Variants in RAPGEF1 observed in about 807,000 individuals in gnomAD.
The protein encoded by RAPGEF1 is CRK SH3-binding GNRP.
A neutral mutation model predicts 143.3 loss-of-function variants in RAPGEF1; 33 were observed. That is an observed-to-expected ratio of 0.23 (90% CI 0.17 to 0.31). RAPGEF1 has a LOEUF of 0.31. Ranked by LOEUF, RAPGEF1 falls within the 10% of genes least tolerant of loss-of-function variation. The pLI is 1.00. For synonymous variants in RAPGEF1, 629 were observed against 676.5 expected (o/e 0.93, Z 1.09); for missense variants, 1,199 against 1,645.4 (o/e 0.73, Z 4.69).
intron 22 of RAPGEF1, among the ~76,000 whole-genome samples, chr9:131,586,626 AC>A (rs1223664704): frequency 8.8e-6 from 1 of 113,876 alleles, no homozygotes; most frequent in African/African-American, 3.9e-5. Context: ...ACACACACAC[AC>A]ACCTGCAGAG....
intron 15 of RAPGEF1, among the ~76,000 whole-genome samples, chr9:131,601,690 G>A (rs1564494200): frequency 1.3e-5 from 2 of 152,174 alleles, no homozygotes; most frequent in African/African-American, 4.8e-5. Context: ...AGGATCGCTT[G>A]AAGCCAGGAG....
intron 1 of RAPGEF1, among the ~76,000 whole-genome samples, chr9:131,684,178 G>A (rs1389102167): frequency 6.6e-6 from 1 of 152,202 alleles, no homozygotes; most frequent in Non-Finnish European, 1.5e-5. Context: ...AACCCTCGAG[G>A]ACTGGAACCT....
At chr9:131,585,432 C>T (rs567059148) in intron 22 of RAPGEF1, among the ~76,000 whole-genome samples, 28 of 152,328 alleles carry the variant, frequency 1.8e-4, no homozygotes, top group African/African-American at 4.8e-4. Context: ...CCTCCTGCCT[C>T]GGCCTCCCAA....
intron 10 of RAPGEF1, among the ~76,000 whole-genome samples, chr9:131,624,504 C>A (rs927148208): frequency 1.3e-5 from 2 of 152,200 alleles, no homozygotes; most frequent in Admixed American, 1.3e-4. Flanking sequence ...TGCATGAGGA[C>A]CGCCACCCAC....
chr9:131,621,436 T>G lies in RAPGEF1; in HGVS notation c.1905+360A>C, dbSNP rs542009891. Among the ~76,000 whole-genome samples, 324 of 152,168 alleles carry G rather than the reference T, an allele frequency of 2.1e-3. 1 individual carries two copies. Among genetic ancestry groups the G allele is most frequent in the Non-Finnish European group, 3.6e-3 (243 of 67,982 alleles). On this transcript the variant is annotated intron_variant, in intron 11 of 26. Transcript: ENST00000683357. This position sits in a 1 kb window ranked among gnomAD's most constrained non-coding sequence, Gnocchi z 4.5. Reference sequence around the variant, plus strand: ...GACCATGTCCTGTGCTTTGATTGAGTCCCTCCTTTCTGGGAGGTCTATGTT... The same window carrying G: ...GACCATGTCCTGTGCTTTGATTGAGGCCCTCCTTTCTGGGAGGTCTATGTT...
chr9:131,728,190 G>T (rs1836796446), intron 1 of RAPGEF1, among the ~76,000 whole-genome samples: 1 of 152,172 alleles, frequency 6.6e-6, no homozygotes, highest in East Asian at 1.9e-4. Context: ...AGTTAATCAA[G>T]AAAGAAAAAT....
At chr9:131,605,249 A>G in intron 12 of RAPGEF1, 61 bp from the exon 13 acceptor site, 2 of 1,199,990 alleles carry the variant, frequency 1.7e-6, no homozygotes, top group Non-Finnish European at 2.2e-6. Flanking sequence ...GAGAAAAAGT[A>G]ATTAGATTGG....
At position 131,687,197 on chromosome 9, in the gene RAPGEF1, G is replaced by T. The variant is rs911929519; in HGVS notation, c.62-36248C>A. Among the ~76,000 whole-genome samples the T allele has an allele frequency of 9.2e-5, 14 of 152,108 alleles. 1 individual carries two copies. In the South Asian group the frequency reaches 1.5e-3, roughly 16 times the overall value. On this transcript the variant is annotated intron_variant, in intron 1 of 26. Transcript: ENST00000683357. Reference sequence around the variant, plus strand: ...TTGCATACAGTTTTTTTGTTCTTTTGTTTTATTTTTAAAAACAGAGTCTTG... The same window carrying T: ...TTGCATACAGTTTTTTTGTTCTTTTTTTTTATTTTTAAAAACAGAGTCTTG...
At chr9:131,610,166 G>A (rs1306554868) in intron 12 of RAPGEF1, among the ~76,000 whole-genome samples, 1 of 152,226 alleles carries the variant, frequency 6.6e-6, no homozygotes, top group African/African-American at 2.4e-5. Context: ...AAAGTGCTGT[G>A]ATTATAGGCG....
intron 1 of RAPGEF1, among the ~76,000 whole-genome samples, chr9:131,718,962 C>T (rs1208941750): frequency 2.6e-5 from 4 of 152,046 alleles, no homozygotes; most frequent in Non-Finnish European, 5.9e-5. Context: ...GGGAGTACTG[C>T]GTGACTTCAG....
At position 131,598,412 on chromosome 9, in the gene RAPGEF1, G is replaced by A. The variant is rs972255851; in HGVS notation, c.2502-102C>T. The A allele has an allele frequency of 1.0e-4, 93 of 896,354 alleles. 1 individual carries two copies. The South Asian group carries it at 1.1e-3, about 11-fold the overall frequency. The allele number at this position is 896,354 out of a possible 1,614,324, so 55.5% of individuals were successfully genotyped here. A position where few individuals can be genotyped will look rare whatever the true frequency, so the allele number is the denominator to read the frequency against. On this transcript the variant is annotated intron_variant, in intron 15 of 26. Coordinates refer to ENST00000683357, the MANE Select transcript of RAPGEF1 (RefSeq NM_001377935.1). ...GTGTGCACGGCTCGAAACCGCTCCC[G>A]GAACATGCCTGCCCCGATGGCAGCT...
chr9:131,583,979 T>G lies in RAPGEF1; in HGVS notation c.3414+332A>C, dbSNP rs577679961. On this transcript the variant is annotated intron_variant, in intron 24 of 26. Transcript: ENST00000683357. The surrounding 1 kb of genome is among the most constrained non-coding windows in gnomAD (Gnocchi z 4.7). Reference sequence around the variant, plus strand: ...AGTGCGTCCCCAGCACCTACCGCAGTGCCCGGCCCGAAGCAGACCCTTCAG... The same window carrying G: ...AGTGCGTCCCCAGCACCTACCGCAGGGCCCGGCCCGAAGCAGACCCTTCAG... 1.3e-4 allele frequency among the ~76,000 whole-genome samples: 20 copies of G among 152,320 alleles called. No individual in the cohort carries two copies. Among genetic ancestry groups the G allele is most frequent in the African/African-American group, 4.3e-4 (18 of 41,584 alleles).
At position 131,579,369 on chromosome 9, in the gene RAPGEF1, G is replaced by A; in HGVS notation, c.*128C>T. The A allele has an allele frequency of 7.4e-7, 1 of 1,342,458 alleles. No individual in the cohort carries two copies. The highest frequency in any genetic ancestry group is 1.0e-6 in the Non-Finnish European group (1 of 982,330). The allele number at this position is 1,342,458 out of a possible 1,614,324, so 83.2% of individuals were successfully genotyped here. ...TCCAGCTCCCGCCCGGCCCCGCTGA[G>A]GGCTGGCCAGCCTCATGGCTCCGAG... On this transcript the variant is annotated 3_prime_UTR_variant, in exon 27 of 27. Coordinates refer to ENST00000683357, the MANE Select transcript of RAPGEF1 (RefSeq NM_001377935.1).
chr9:131,664,321 C>A (rs894561187), intron 1 of RAPGEF1, among the ~76,000 whole-genome samples: 2 of 152,120 alleles, frequency 1.3e-5, no homozygotes, highest in African/African-American at 2.4e-5. Context: ...AAACCAAGAT[C>A]GGGGCATTAG....
intron 5 of RAPGEF1, among the ~76,000 whole-genome samples, chr9:131,634,441 G>A (rs1384022305): frequency 2.6e-5 from 4 of 151,932 alleles, no homozygotes; most frequent in Non-Finnish European, 5.9e-5. Flanking sequence ...GGTCGGGCGC[G>A]GTGGTTCACG....
At chr9:131,618,612 C>T (rs999854466) in intron 12 of RAPGEF1, among the ~76,000 whole-genome samples, 1 of 152,204 alleles carries the variant, frequency 6.6e-6, no homozygotes, top group African/African-American at 2.4e-5. Flanking sequence ...CAGGGTTTCA[C>T]TATGTTGCCC....
intron 1 of RAPGEF1, among the ~76,000 whole-genome samples, chr9:131,681,384 CCT>C (rs1172738248): frequency 6.6e-6 from 1 of 152,068 alleles, no homozygotes; most frequent in Non-Finnish European, 1.5e-5. Flanking sequence ...TTGGCAGTTC[CCT>C]GTTAGAATAC....
At chr9:131,608,063 C>T (rs745723454) in intron 12 of RAPGEF1, among the ~76,000 whole-genome samples, 14 of 152,220 alleles carry the variant, frequency 9.2e-5, no homozygotes, top group Non-Finnish European at 1.9e-4. Context: ...ATGGCATCTC[C>T]GCTTGTGTGC....
intron 1 of RAPGEF1, among the ~76,000 whole-genome samples, chr9:131,666,069 C>T (rs1830380201): frequency 6.6e-6 from 1 of 152,232 alleles, no homozygotes; most frequent in Non-Finnish European, 1.5e-5. Context: ...TGAATTAACC[C>T]TGTAACAACC....
Sources: allele counts gnomAD v4.1 joint callset (sites outside exome capture counted in the v4.1 genomes callset), GRCh38; gene constraint gnomAD v4.1.1; non-coding constraint Gnocchi (gnomAD v3.1); transcripts MANE v1.5; gene names NCBI Gene and HGNC (gene_info 2026-07-23, HGNC 2026-07-21).